Variants in REPS1 observed in about 807,000 individuals in gnomAD.
The protein encoded by REPS1 is RALBP1 associated Eps domain containing 1.
A neutral mutation model predicts 100.9 loss-of-function variants in REPS1; 39 were observed. That is an observed-to-expected ratio of 0.39 (90% CI 0.30 to 0.50). The LOEUF is 0.50. Ranked by LOEUF, REPS1 falls within the 20% of genes least tolerant of loss-of-function variation. The pLI is 0.86. For missense variants in REPS1, 821 were observed against 968.5 expected, an observed-to-expected ratio of 0.85 and a Z score of 2.02; for synonymous variants, 324 against 340.3, an observed-to-expected ratio of 0.95 and a Z score of 0.53.
chr6:138,914,951 G>C, intron 14 of REPS1, 190 bp from the exon 15 acceptor site: 1 of 562,228 alleles, frequency 1.8e-6, no homozygotes, highest in Non-Finnish European at 3.1e-6. Context: ...CCTTTCATCA[G>C]ATCTCACTTT....
intron 15 of REPS1, among the ~76,000 whole-genome samples, chr6:138,914,270 A>G (rs1438979421): frequency 6.6e-6 from 1 of 152,062 alleles, no homozygotes; most frequent in Non-Finnish European, 1.5e-5. Context: ...TGGGGGTCTC[A>G]CTATGTTGTC....
At chr6:138,981,531 C>T (rs1349847435) in intron 1 of REPS1, among the ~76,000 whole-genome samples, 1 of 152,218 alleles carries the variant, frequency 6.6e-6, no homozygotes. Flanking sequence ...ACCCTTTCAT[C>T]AGTTTCCTCT....
At chr6:138,986,490 C>G (rs1204717089) in intron 1 of REPS1, among the ~76,000 whole-genome samples, 1 of 152,126 alleles carries the variant, frequency 6.6e-6, no homozygotes, top group Admixed American at 6.6e-5. Context: ...AAGTGCCTGA[C>G]CCAAAGTCAC....
rs972827535 is a variant in REPS1 at position 138,903,978 on chromosome 6, T to C, written c.*1086A>G. The C allele has an allele frequency of 1.3e-5, 2 of 152,188 alleles. No individual in the cohort carries two copies. The highest frequency in any genetic ancestry group is 2.4e-5 in the African/African-American group (1 of 41,442). The allele number at this position is 152,188 out of a possible 1,614,324, so 9.4% of individuals were successfully genotyped here. ...ATGAAAATACAAAATCTTCTATTTC[T>C]TAAAACTTTAAATCTTGTTAAAAAG... On this transcript the variant is annotated 3_prime_UTR_variant, in exon 20 of 20. Transcript: ENST00000450536.
At chr6:138,925,524 A>C (rs541284336) in intron 10 of REPS1, among the ~76,000 whole-genome samples, 178 of 152,334 alleles carry the variant, frequency 1.2e-3, no homozygotes, top group Non-Finnish European at 2.3e-3. Context: ...GATCATCTAG[A>C]AAGAACGACT....
At chr6:138,913,032 C>G (rs1041271489) in intron 15 of REPS1, 82 bp from the exon 16 acceptor site, 63 of 1,127,666 alleles carry the variant, frequency 5.6e-5, no homozygotes, top group African/African-American at 7.9e-5. Context: ...TCTTCGAAAA[C>G]TTAGTATATA....
At chr6:138,926,952 C>A (rs923840962) in intron 9 of REPS1, 1 of 154,942 alleles carries the variant, frequency 6.5e-6, no homozygotes, top group African/African-American at 2.4e-5. Context: ...GCCAGTGCGA[C>A]CCCTGAAAGA....
rs1780109814 is a variant in REPS1 at position 138,912,963 on chromosome 6, T to G, written c.1786-13A>C. ...CAGGACCAGGAGCCTGTGCAATGGT[T>G]CAGAACAGAGGAACACACATTCTAT... On this transcript the variant is annotated splice_polypyrimidine_tract_variant and intron_variant, in intron 15 of 19. Transcript: ENST00000450536. The G allele has an allele frequency of 6.2e-7, 1 of 1,603,466 alleles. No individual in the cohort carries two copies. Among genetic ancestry groups the G allele is most frequent in the Non-Finnish European group, 8.5e-7 (1 of 1,174,498 alleles).
intron 1 of REPS1, among the ~76,000 whole-genome samples, chr6:138,968,989 C>T (rs189791667): frequency 9.1e-4 from 138 of 152,292 alleles, no homozygotes; most frequent in African/African-American, 3.2e-3. Context: ...TAAGGCTGCT[C>T]TACTGCCTCT....
rs184559877 is a variant in REPS1, at chr6:138,940,165, C to T, written c.1135+1170G>A. Among the ~76,000 whole-genome samples, 16 of 152,266 alleles carry T rather than the reference C, an allele frequency of 1.1e-4. No individual in the cohort carries two copies. The East Asian group carries it at 3.1e-3, about 29-fold the overall frequency. On this transcript the variant is annotated intron_variant, in intron 8 of 19. Transcript: ENST00000450536. ...AGTAATTTCATGCATCTGATTCCTT[C>T]TGCGTAATTTAGACAACTAAGTCAG...
intron 1 of REPS1, among the ~76,000 whole-genome samples, chr6:138,972,490 T>C (rs1294134017): frequency 6.6e-6 from 1 of 152,144 alleles, no homozygotes; most frequent in Non-Finnish European, 1.5e-5. Flanking sequence ...ATTCATTTTA[T>C]GGGAATGCTA....
chr6:138,921,771 T>G, intron 10 of REPS1, among the ~76,000 whole-genome samples: 1 of 151,830 alleles, frequency 6.6e-6, no homozygotes, highest in East Asian at 1.9e-4. Flanking sequence ...AGAGACAGGG[T>G]TTCGCTATGC....
chr6:138,955,374 G>C (rs1258311991), intron 1 of REPS1, among the ~76,000 whole-genome samples: 3 of 150,840 alleles, frequency 2.0e-5, no homozygotes, highest in Non-Finnish European at 4.4e-5. Context: ...TTTGAGCCCA[G>C]GAGCTCCAGA....
intron 7 of REPS1, among the ~76,000 whole-genome samples, chr6:138,941,981 T>C (rs9285488): frequency 0.24 from 35,982 of 152,006 alleles, 5,109 homozygotes; most frequent in African/African-American, 0.4. Flanking sequence ...TGGGTTCAAG[T>C]GATTCCCTTG....
At chr6:138,907,333 T>TGTGTGTGTGTGG in intron 19 of REPS1, 162 bp downstream of exon 19, 2 of 480,614 alleles carry the variant, frequency 4.2e-6, no homozygotes, top group Admixed American at 3.3e-5. Flanking sequence ...TGTGTGTGTG[T>TGTGTGTGTGTGG]GTGTGTGGCG....
intron 14 of REPS1, among the ~76,000 whole-genome samples, chr6:138,915,394 TAAGAA>T (rs1327018534): frequency 6.6e-6 from 1 of 151,302 alleles, no homozygotes; most frequent in African/African-American, 2.4e-5. Context: ...AAGTAGTCAT[TAAGAA>T]AAGAAATTGC....
At chr6:138,968,510 T>TC (rs140791115) in intron 1 of REPS1, among the ~76,000 whole-genome samples, 3 of 152,138 alleles carry the variant, frequency 2.0e-5, no homozygotes, top group African/African-American at 7.2e-5. Flanking sequence ...CTGGTTTTTT[T>TC]CCACTATGCC....
At chr6:138,929,293 G>A (rs1781338959) in intron 9 of REPS1, 1 of 152,196 alleles carries the variant, frequency 6.6e-6, no homozygotes, top group South Asian at 2.1e-4. Flanking sequence ...AGGGGAGGCA[G>A]GGCCTCAGGT....
chr6:138,925,924 G>C (rs1781088451), intron 10 of REPS1, among the ~76,000 whole-genome samples: 1 of 152,100 alleles, frequency 6.6e-6, no homozygotes, highest in African/African-American at 2.4e-5. Flanking sequence ...TTGTATTGCT[G>C]AACTTGATTC....
Sources: gnomAD v4.1 joint callset for allele counts (sites outside exome capture counted in the v4.1 genomes callset) on GRCh38, gnomAD v4.1.1 for gene constraint, MANE v1.5 for transcripts, NCBI Gene and HGNC (gene_info 2026-07-23, HGNC 2026-07-21) for gene names.